The following H2AC13 variants were observed in gnomAD, a reference collection of about 807,000 sequenced individuals.
H2AC13 encodes the protein H2A clustered histone 13.
In H2AC13, 3 loss-of-function variants were observed where a neutral mutation model predicts 5.9. The observed-to-expected ratio is 0.50, with a 90% CI of 0.23 to 1.30. The LOEUF is 1.30. H2AC13 is among the 50% of genes most tolerant of loss of function. H2AC13 has a pLI of 0.18. For synonymous variants in H2AC13, 96 were observed against 82.4 expected, an observed-to-expected ratio of 1.17 and a Z score of -0.90; for missense variants, 123 against 179.1, an observed-to-expected ratio of 0.69 and a Z score of 1.79.
In H2AC13 at chr6:27,808,662, C is replaced by T. The variant is rs1760499590; in HGVS notation, c.*60C>T. The T allele has an allele frequency of 6.4e-7, 1 of 1,552,384 alleles. No individual in the cohort carries two copies. Among genetic ancestry groups the T allele is most frequent in the East Asian group, 2.2e-5 (1 of 44,460 alleles). ...AGGAACCAAAGGCTCTTTTCAGAGC[C>T]ACCTACAATTTTGTGGAAGAACTGA... On this transcript the variant is annotated 3_prime_UTR_variant, in exon 1 of 1. Coordinates refer to ENST00000358739, the MANE Select transcript of H2AC13 (RefSeq NM_003509.3).
Position 27,808,534 on chromosome 6 carries a change from C to A in H2AC13, c.325C>A (p.Leu109Met). The A allele has an allele frequency of 6.2e-7, 1 of 1,614,246 alleles. No individual in the cohort carries two copies. Among genetic ancestry groups the A allele is most frequent in the Non-Finnish European group, 8.5e-7 (1 of 1,180,036 alleles). Residue 109 changes from leucine to methionine, a missense_variant, in exon 1 of 1, where the codon CTG (leucine) becomes ATG (methionine). This residue lies in a region of H2AC13 where 72 missense variants were observed against 134.3 expected (regional missense o/e 0.54). Transcript: ENST00000358739. Reference sequence around the variant, plus strand: ...AGTCACCATCGCACAGGGTGGCGTCCTGCCCAACATCCAGGCCGTGCTACT... The same window carrying A: ...AGTCACCATCGCACAGGGTGGCGTCATGCCCAACATCCAGGCCGTGCTACT... ...GKVTIAQGGV[L>M]PNIQAVLLPK...
rs541935175 is a variant in H2AC13 at position 27,808,202 on chromosome 6, C to G, written c.-8C>G. 1.5e-5 allele frequency: 23 copies of G among 1,567,660 alleles called. No homozygotes were observed. The East Asian group carries it at 4.7e-4, about 32-fold the overall frequency. On this transcript the variant is annotated 5_prime_UTR_variant, in exon 1 of 1. Transcript: ENST00000358739. ...TTTCTTGACCGTATAGATAATAGGC[C>G]TTTTGCCATGTCTGGGCGTGGCAAG...
rs573974518 is a variant in H2AC13, at chr6:27,808,247, C to T, written c.38C>T (p.Ala13Val). 4.4e-6 allele frequency: 7 copies of T among 1,579,024 alleles called. No homozygotes were observed. The Middle Eastern group carries it at 8.5e-4, about 192-fold the overall frequency. Residue 13 changes from alanine to valine, a missense_variant, in exon 1 of 1, where the codon GCC becomes GTC. Physicochemically the swap from Ala to Val is moderately conservative, Grantham distance 64 (BLOSUM62 0). Transcript: ENST00000358739. ...GGCAAGCAGGGAGGCAAAGCTCGCG[C>T]CAAGGCCAAGACCCGCTCTTCTCGG... ...GRGKQGGKAR[A>V]KAKTRSSRAG...
Position 27,808,283 on chromosome 6 carries a change from A to G in H2AC13, c.74A>G (p.Gln25Arg), listed in dbSNP as rs1199133181. 6.4e-7 allele frequency: 1 copy of G among 1,551,124 alleles called. No homozygotes were observed. Among genetic ancestry groups the G allele is most frequent in the Non-Finnish European group, 8.7e-7 (1 of 1,152,804 alleles). The change falls in exon 1 of 1, where the codon CAG becomes CGG. Residue 25 changes from glutamine to arginine, a missense_variant. By Grantham distance (43) the Gln-to-Arg change is conservative. Transcript: ENST00000358739. Reference protein sequence around the residue: ...AKTRSSRAGLQFPVGRVHRLL... With the variant: ...AKTRSSRAGLRFPVGRVHRLL... Reference sequence around the variant, plus strand: ...ACCCGCTCTTCTCGGGCCGGGCTTCAGTTTCCCGTAGGCCGAGTGCATCGC... The same window carrying G: ...ACCCGCTCTTCTCGGGCCGGGCTTCGGTTTCCCGTAGGCCGAGTGCATCGC...
Position 27,808,422 on chromosome 6 carries a change from C to G in H2AC13, c.213C>G (p.Ala71=). Residue 71 remains alanine, a synonymous_variant, in exon 1 of 1, where the codon GCC becomes GCG. Transcript: ENST00000358739. Reference sequence around the variant, plus strand: ...TCCTGGAGCTGGCTGGCAACGCGGCCCGCGACAACAAGAAGACTCGCATCA... The same window carrying G: ...TCCTGGAGCTGGCTGGCAACGCGGCGCGCGACAACAAGAAGACTCGCATCA... The part of the protein sequence containing the change: ...AEILELAGNA[A]RDNKKTRIIP... The G allele has an allele frequency of 6.2e-7, 1 of 1,610,504 alleles. No homozygotes were observed.
chr6:27,808,577 GCCA>G lies in H2AC13; in HGVS notation c.373_375del (p.His125del). On this transcript the variant is annotated inframe_deletion, in exon 1 of 1. Coordinates refer to ENST00000358739, the MANE Select transcript of H2AC13 (RefSeq NM_003509.3). The stretch of plus-strand genomic sequence containing the variant: ...GTGCTACTGCCCAAGAAGACCGAGA[GCCA>G]CCACAAGGCGAAGGGCAAGTAGAAG... The G allele has an allele frequency of 1.2e-6, 2 of 1,614,088 alleles. No homozygotes were observed. The highest frequency in any genetic ancestry group is 1.1e-5 in the South Asian group (1 of 91,084).
In H2AC13 at chr6:27,808,649, C is replaced by A; in HGVS notation, c.*47C>A. 2.5e-6 allele frequency: 4 copies of A among 1,569,962 alleles called. No individual in the cohort carries two copies. The highest frequency in any genetic ancestry group is 3.4e-6 in the Non-Finnish European group (4 of 1,159,838). On this transcript the variant is annotated 3_prime_UTR_variant, in exon 1 of 1. Transcript: ENST00000358739. ...AACTCAATCCCAAAGGAACCAAAGG[C>A]TCTTTTCAGAGCCACCTACAATTTT...
Position 27,808,305 on chromosome 6 carries a change from T to G in H2AC13, c.96T>G (p.His32Gln). Residue 32 changes from histidine to glutamine, a missense_variant, in exon 1 of 1, where the codon CAT becomes CAG. By Grantham distance (24) the His-to-Gln change is conservative (BLOSUM62 0). Around this residue, in one of 3 missense-constraint regions of H2AC13, gnomAD observed 72 missense variants for 134.3 expected, o/e 0.54. Transcript: ENST00000358739. ...TTCAGTTTCCCGTAGGCCGAGTGCA[T>G]CGCCTGCTCCGCAAAGGCAACTATG... ...AGLQFPVGRV[H>Q]RLLRKGNYAE... 6.4e-7 allele frequency: 1 copy of G among 1,560,666 alleles called. No homozygotes were observed. Among genetic ancestry groups the G allele is most frequent in the Non-Finnish European group, 8.7e-7 (1 of 1,153,740 alleles).
Position 27,808,665 on chromosome 6 carries a change from C to A in H2AC13, c.*63C>A, listed in dbSNP as rs1760499666. The A allele has an allele frequency of 2.1e-5, 32 of 1,545,214 alleles. No individual in the cohort carries two copies. The South Asian group carries it at 3.7e-4, about 18-fold the overall frequency. On this transcript the variant is annotated 3_prime_UTR_variant, in exon 1 of 1. Transcript: ENST00000358739. Reference sequence around the variant, plus strand: ...AACCAAAGGCTCTTTTCAGAGCCACCTACAATTTTGTGGAAGAACTGAGCA... The same window carrying A: ...AACCAAAGGCTCTTTTCAGAGCCACATACAATTTTGTGGAAGAACTGAGCA...
In H2AC13 at chr6:27,808,216, G is replaced by A; in HGVS notation, c.7G>A (p.Gly3Arg). ...AGATAATAGGCCTTTTGCCATGTCTGGGCGTGGCAAGCAGGGAGGCAAAGC... is the reference window on the plus strand; with the variant it reads ...AGATAATAGGCCTTTTGCCATGTCTAGGCGTGGCAAGCAGGGAGGCAAAGC... MS[G>R]RGKQGGKARA... is the part of the protein sequence containing the mutation. The change falls in exon 1 of 1, where the codon GGG (glycine) becomes AGG (arginine). Residue 3 changes from glycine to arginine, a missense_variant. This residue lies in a region of H2AC13 where 33 missense variants were observed against 28.6 expected (regional missense o/e 1.15). Transcript: ENST00000358739. The A allele has an allele frequency of 6.3e-7, 1 of 1,581,744 alleles. No homozygotes were observed. The highest frequency in any genetic ancestry group is 8.6e-7 in the Non-Finnish European group (1 of 1,165,196).
rs774918405 is a variant in H2AC13, at chr6:27,808,647, G to A, written c.*45G>A. ...GCAACTCAATCCCAAAGGAACCAAA[G>A]GCTCTTTTCAGAGCCACCTACAATT... On this transcript the variant is annotated 3_prime_UTR_variant, in exon 1 of 1. Transcript: ENST00000358739. 6 of 1,571,712 alleles carry A rather than the reference G, an allele frequency of 3.8e-6. No homozygotes were observed. The South Asian group carries it at 7.1e-5, about 19-fold the overall frequency.
Position 27,808,459 on chromosome 6 carries a change from C to T in H2AC13, c.250C>T (p.Leu84Phe), listed in dbSNP as rs745928292. 1.2e-5 allele frequency: 19 copies of T among 1,613,586 alleles called. No homozygotes were observed. The South Asian group carries it at 1.5e-4, about 13-fold the overall frequency. Reference sequence around the variant, plus strand: ...GAAGACTCGCATCATCCCGCGTCACCTCCAGCTGGCCATCCGCAACGATGA... The same window carrying T: ...GAAGACTCGCATCATCCCGCGTCACTTCCAGCTGGCCATCCGCAACGATGA... Reference protein sequence around the residue: ...NKKTRIIPRHLQLAIRNDEEL... With the variant: ...NKKTRIIPRHFQLAIRNDEEL... The change falls in exon 1 of 1, where the codon CTC becomes TTC. Residue 84 changes from leucine (L) to phenylalanine (F), a missense_variant. By Grantham distance (22) the Leu-to-Phe change is conservative. This residue lies in a region of H2AC13 where 72 missense variants were observed against 134.3 expected (regional missense o/e 0.54). Transcript: ENST00000358739.
At position 27,808,622 on chromosome 6, in the gene H2AC13, G is replaced by A. The variant is rs1760498553; in HGVS notation, c.*20G>A. ...AAGTAGAAGCCTGGATTAGTTTGCA[G>A]CAACTCAATCCCAAAGGAACCAAAG... On this transcript the variant is annotated 3_prime_UTR_variant, in exon 1 of 1. Coordinates refer to ENST00000358739, the MANE Select transcript of H2AC13 (RefSeq NM_003509.3). 3 of 1,602,120 alleles carry A rather than the reference G, an allele frequency of 1.9e-6. No individual in the cohort carries two copies. Among genetic ancestry groups the A allele is most frequent in the African/African-American group, 1.3e-5 (1 of 74,514 alleles).
chr6:27,808,628 C>A lies in H2AC13; in HGVS notation c.*26C>A, dbSNP rs773530267. 2 of 1,597,672 alleles carry A rather than the reference C, an allele frequency of 1.3e-6. No homozygotes were observed. The highest frequency in any genetic ancestry group is 1.7e-6 in the Non-Finnish European group (2 of 1,170,892). ...AAGCCTGGATTAGTTTGCAGCAACT[C>A]AATCCCAAAGGAACCAAAGGCTCTT... On this transcript the variant is annotated 3_prime_UTR_variant, in exon 1 of 1. Coordinates refer to ENST00000358739, the MANE Select transcript of H2AC13 (RefSeq NM_003509.3).
chr6:27,808,442 GCAT>G lies in H2AC13; in HGVS notation c.238_240del (p.Ile80del), dbSNP rs758051647. 2 of 1,612,868 alleles carry G rather than the reference GCAT, an allele frequency of 1.2e-6. No homozygotes were observed. The highest frequency in any genetic ancestry group is 2.2e-5 in the South Asian group (2 of 91,032). ...GCGGCCCGCGACAACAAGAAGACTC[GCAT>G]CATCCCGCGTCACCTCCAGCTGGCC... On this transcript the variant is annotated inframe_deletion, in exon 1 of 1. Transcript: ENST00000358739.
chr6:27,808,470 C>T lies in H2AC13; in HGVS notation c.261C>T (p.Ala87=), dbSNP rs376952905. 1.9e-5 allele frequency: 31 copies of T among 1,613,764 alleles called. No individual in the cohort carries two copies. The highest frequency in any genetic ancestry group is 2.2e-5 in the Non-Finnish European group (26 of 1,179,864). The change falls in exon 1 of 1, where the codon GCC becomes GCT. Residue 87 remains alanine (A), a synonymous_variant. Coordinates refer to ENST00000358739, the MANE Select transcript of H2AC13 (RefSeq NM_003509.3). ...TRIIPRHLQL[A]IRNDEELNKL... is the part of the protein sequence containing the mutation. ...TCATCCCGCGTCACCTCCAGCTGGC[C>T]ATCCGCAACGATGAGGAGCTCAACA...
rs201170123 is a variant in H2AC13 at position 27,808,201 on chromosome 6, C to T, written c.-9C>T. 76 of 1,566,724 alleles carry T rather than the reference C, an allele frequency of 4.9e-5. No homozygotes were observed. Among genetic ancestry groups the T allele is most frequent in the Non-Finnish European group, 6.0e-5 (70 of 1,159,726 alleles). ...CTTTCTTGACCGTATAGATAATAGG[C>T]CTTTTGCCATGTCTGGGCGTGGCAA... On this transcript the variant is annotated 5_prime_UTR_variant, in exon 1 of 1. Transcript: ENST00000358739.
In H2AC13 at chr6:27,808,199, G is replaced by A. The variant is rs750917394; in HGVS notation, c.-11G>A. 18 of 1,563,198 alleles carry A rather than the reference G, an allele frequency of 1.2e-5. No individual in the cohort carries two copies. In the Admixed American group the frequency reaches 1.8e-4, roughly 15 times the overall value. ...GTCTTTCTTGACCGTATAGATAATA[G>A]GCCTTTTGCCATGTCTGGGCGTGGC... On this transcript the variant is annotated 5_prime_UTR_variant, in exon 1 of 1. Transcript: ENST00000358739.
Position 27,808,615 on chromosome 6 carries a change from GT to G in H2AC13, c.*16del. 1.2e-6 allele frequency: 2 copies of G among 1,605,028 alleles called. No homozygotes were observed. Among genetic ancestry groups the G allele is most frequent in the Non-Finnish European group, 1.7e-6 (2 of 1,174,828 alleles). The stretch of plus-strand genomic sequence containing the variant: ...GAAGGGCAAGTAGAAGCCTGGATTA[GT>G]TTGCAGCAACTCAATCCCAAAGGAA... On this transcript the variant is annotated 3_prime_UTR_variant, in exon 1 of 1. Coordinates refer to ENST00000358739, the MANE Select transcript of H2AC13 (RefSeq NM_003509.3).
Sources: allele counts gnomAD v4.1 joint callset, GRCh38; gene constraint gnomAD v4.1.1; regional missense constraint gnomAD v4.1.1; transcripts MANE v1.5; gene names NCBI Gene and HGNC (gene_info 2026-07-23, HGNC 2026-07-21).